The following CAPRIN2 variants were observed in gnomAD, a reference collection of about 807,000 sequenced individuals.
CAPRIN2 encodes the protein caprin family member 2, also known as caprin-2.
Under a neutral mutation model 130.4 loss-of-function variants are expected in CAPRIN2, and 66 were observed. That is an observed-to-expected ratio of 0.51 (90% CI 0.42 to 0.62). The LOEUF (loss-of-function observed/expected upper bound fraction) is 0.62, where lower values mean the gene tolerates loss of function less well. Among genes scored for constraint, CAPRIN2 ranks in the 20% least tolerant of loss-of-function variants. The pLI is 0.00. For synonymous variants in CAPRIN2, 471 were observed against 444.1 expected (o/e 1.06, Z -0.76); for missense variants, 1,185 against 1,246.6 (o/e 0.95, Z 0.74).
intron 12 of CAPRIN2, chr12:30,720,461 A>G (rs1326851044): frequency 1.2e-5 from 2 of 165,646 alleles, no homozygotes; most frequent in African/African-American, 2.4e-5. Context: ...TTAATAAAAT[A>G]AAGTTATTGA....
At chr12:30,711,732 T>A in intron 15 of CAPRIN2, 103 bp from the exon 18 acceptor site, 1 of 921,874 alleles carries the variant, frequency 1.1e-6, no homozygotes, top group Non-Finnish European at 1.8e-6. Flanking sequence ...TCCCCTTAGT[T>A]CTTTACCTGG....
chr12:30,745,573 A>C (rs1313595993), intron 2 of CAPRIN2, among the ~76,000 whole-genome samples: 1 of 152,182 alleles, frequency 6.6e-6, no homozygotes, highest in Non-Finnish European at 1.5e-5. Context: ...GAAGAAAATC[A>C]AACTAAAATT....
chr12:30,734,286 T>C (rs967891265), intron 4 of CAPRIN2, among the ~76,000 whole-genome samples: 4 of 152,148 alleles, frequency 2.6e-5, no homozygotes, highest in Admixed American at 6.5e-5. Context: ...CTGGTAACCG[T>C]TGAAATCTGA....
At chr12:30,750,716 T>C (rs990098075) in intron 2 of CAPRIN2, among the ~76,000 whole-genome samples, 3 of 152,110 alleles carry the variant, frequency 2.0e-5, no homozygotes, top group African/African-American at 7.2e-5. Flanking sequence ...AGATGTCAGG[T>C]TTAGAATATA....
At chr12:30,753,975 C>G in exon 1 of CAPRIN2, 1 of 541,984 alleles carries the variant, frequency 1.8e-6, no homozygotes, top group Non-Finnish European at 3.3e-6. Flanking sequence ...ATAAGCTTTC[C>G]ACACCGGGAC....
chr12:30,719,451 T>A (rs1034849057), intron 12 of CAPRIN2: 2 of 512,844 alleles, frequency 3.9e-6, no homozygotes, highest in African/African-American at 1.9e-5. Context: ...GTCTTACCAA[T>A]AATCAGTCTA....
intron 15 of CAPRIN2, 38 bp downstream of exon 17, chr12:30,713,747 T>C (rs780699020): frequency 1.2e-5 from 14 of 1,194,020 alleles, no homozygotes. Context: ...CATCAACAAC[T>C]GTACCACTAT....
At chr12:30,730,178 C>A (rs190875047) in intron 7 of CAPRIN2, 61 bp downstream of exon 8, 2 of 1,371,636 alleles carry the variant, frequency 1.5e-6, no homozygotes, top group Non-Finnish European at 2.1e-6. Context: ...TAGCTTCCAA[C>A]CATAACCCTA....
intron 3 of CAPRIN2, among the ~76,000 whole-genome samples, chr12:30,736,116 G>T (rs1284309013): frequency 6.6e-6 from 1 of 151,496 alleles, no homozygotes; most frequent in Non-Finnish European, 1.5e-5. Context: ...ACTCCAGCCT[G>T]GGCAACAGAG....
exon 8 of CAPRIN2, chr12:30,728,997 T>C (rs752692140): frequency 1.2e-6 from 2 of 1,614,174 alleles, no homozygotes; most frequent in South Asian, 2.2e-5. Context: ...TGCTTTGGAT[T>C]TAGGTGTATC....
chr12:30,712,767 GTCTCGC>G lies in CAPRIN2; in HGVS notation c.2601+1012_2601+1017del, dbSNP rs1173831881. ...TTTTTTTTTTTTTTTTTGAGACAGA[GTCTCGC>G]TCTTCTTGCCCAGGGTGGAGTGCAA... On this transcript the variant is annotated intron_variant, in intron 15 of 16. Transcript: ENST00000298892. 2.5e-4 allele frequency among the ~76,000 whole-genome samples: 29 copies of G among 117,578 alleles called. No individual in the cohort carries two copies. The Admixed American group carries it at 3.2e-3, about 13-fold the overall frequency. The allele number at this position is 117,578 out of a possible 152,430, so 77.1% of individuals were successfully genotyped here.
exon 8 of CAPRIN2, chr12:30,728,745 T>C: frequency 6.2e-7 from 1 of 1,614,178 alleles, no homozygotes; most frequent in Non-Finnish European, 8.5e-7. Context: ...AATCTGTGAC[T>C]GTGATGTTAA....
At chr12:30,730,191 C>T in intron 7 of CAPRIN2, 48 bp downstream of exon 8, 1 of 1,502,014 alleles carries the variant, frequency 6.7e-7, no homozygotes, top group Non-Finnish European at 9.3e-7. Flanking sequence ...TAACCCTATG[C>T]AAAAGGCTGA....
chr12:30,739,128 C>A (rs1384347376), intron 3 of CAPRIN2, among the ~76,000 whole-genome samples: 1 of 152,094 alleles, frequency 6.6e-6, no homozygotes, highest in African/African-American at 2.4e-5. Context: ...GCACTATTCA[C>A]AAGAGGAAAG....
intron 1 of CAPRIN2, among the ~76,000 whole-genome samples, chr12:30,751,907 G>GTTTTTTTT (rs1565723364): frequency 3.2e-5 from 4 of 123,536 alleles, no homozygotes; most frequent in Non-Finnish European, 6.5e-5. Flanking sequence ...ACCCACTATG[G>GTTTTTTTT]TATTTTTTTT....
At chr12:30,713,957 A>C in intron 14 of CAPRIN2, 72 bp from the exon 17 acceptor site, 1 of 831,200 alleles carries the variant, frequency 1.2e-6, no homozygotes. Flanking sequence ...CTAATTCTAT[A>C]TTGCTTTAAA....
intron 3 of CAPRIN2, among the ~76,000 whole-genome samples, chr12:30,740,289 T>C (rs552562371): frequency 2.6e-5 from 4 of 152,098 alleles, no homozygotes; most frequent in South Asian, 4.1e-4. Context: ...TAAAAAAATA[T>C]AAATTTTTTT....
At chr12:30,753,490 T>A in exon 1 of CAPRIN2, 1 of 1,614,218 alleles carries the variant, frequency 6.2e-7, no homozygotes, top group Non-Finnish European at 8.5e-7. Flanking sequence ...CCATGCTGAC[T>A]GTGGTTCACT....
intron 14 of CAPRIN2, 174 bp downstream of exon 16, chr12:30,714,785 A>T: frequency 2.2e-6 from 1 of 451,612 alleles, no homozygotes; most frequent in Non-Finnish European, 3.9e-6. Flanking sequence ...ACAGAAAATT[A>T]GTTCCTCTGT....
Sources: gnomAD v4.1 joint callset for allele counts (sites outside exome capture counted in the v4.1 genomes callset) on GRCh38, gnomAD v4.1.1 for gene constraint, MANE v1.5 for transcripts, NCBI Gene and HGNC (gene_info 2026-07-23, HGNC 2026-07-21) for gene names.